The following JAK2 variants were observed in gnomAD, a reference collection of about 807,000 sequenced individuals.
JAK2 encodes the protein tyrosine-protein kinase JAK2.
In JAK2, 86 loss-of-function variants were observed where a neutral mutation model predicts 139.3. The ratio of observed to expected loss-of-function variants is 0.62; its 90% CI spans 0.52 to 0.74. The LOEUF is 0.74. JAK2 is among the 30% of genes least tolerant of loss of function. The probability of loss-of-function intolerance (pLI) is 0.00; values close to 1 mark genes in which losing one functional copy is unlikely to be tolerated. For missense variants in JAK2, 1,421 were observed against 1,360.3 expected, an observed-to-expected ratio of 1.04 and a Z score of -0.70; for synonymous variants, 490 against 437.7, an observed-to-expected ratio of 1.12 and a Z score of -1.49.
intron 9 of JAK2, among the ~76,000 whole-genome samples, chr9:5,066,053 C>G (rs1818546748): frequency 1.3e-5 from 2 of 152,142 alleles, no homozygotes; most frequent in Admixed American, 1.3e-4. Flanking sequence ...TTTATATTTA[C>G]TGAGTAACTA....
intron 2 of JAK2, among the ~76,000 whole-genome samples, chr9:5,011,585 G>A (rs1821703298): frequency 6.6e-6 from 1 of 152,098 alleles, no homozygotes. Context: ...ATGTATCATA[G>A]TAAACAAAGT....
intron 22 of JAK2, chr9:5,111,480 A>C: frequency 2.6e-6 from 1 of 381,420 alleles, no homozygotes; most frequent in Non-Finnish European, 5.1e-6. Flanking sequence ...AGCTCAGGTG[A>C]GGAGTACGGT....
chr9:5,007,970 C>T (rs914330065), intron 2 of JAK2, among the ~76,000 whole-genome samples: 1 of 152,018 alleles, frequency 6.6e-6, no homozygotes, highest in African/African-American at 2.4e-5. Context: ...CTCAAATGAT[C>T]CCCCCGCCTC....
intron 4 of JAK2, among the ~76,000 whole-genome samples, chr9:5,044,101 T>C (rs975400099): frequency 6.6e-6 from 1 of 152,262 alleles, no homozygotes; most frequent in Non-Finnish European, 1.5e-5. Flanking sequence ...CTGATGTTAC[T>C]GGATTAAGCT....
At chr9:5,042,415 G>T (rs1163946936) in intron 4 of JAK2, among the ~76,000 whole-genome samples, 1 of 152,100 alleles carries the variant, frequency 6.6e-6, no homozygotes, top group Non-Finnish European at 1.5e-5. Context: ...GGGATTACAG[G>T]CGTGAGCCAC....
chr9:5,055,878 G>A (rs1817730376), intron 8 of JAK2, 90 bp downstream of exon 8: 1 of 1,206,868 alleles, frequency 8.3e-7, no homozygotes, highest in Non-Finnish European at 1.2e-6. Flanking sequence ...TTATTTTCTG[G>A]TAGGAATTTT....
At chr9:5,112,718 C>T in intron 22 of JAK2, 1 of 808,066 alleles carries the variant, frequency 1.2e-6, no homozygotes, top group Non-Finnish European at 1.8e-6. Flanking sequence ...AGAGCGGAAC[C>T]TGAATCCCAA....
intron 3 of JAK2, among the ~76,000 whole-genome samples, chr9:5,027,524 A>AT: frequency 6.6e-6 from 1 of 152,156 alleles, no homozygotes; most frequent in Non-Finnish European, 1.5e-5. Context: ...TTGGGTGGCT[A>AT]TGGCAATATC....
In JAK2 at chr9:5,054,344, A is replaced by G. The variant is rs1265950851; in HGVS notation, c.615-219A>G. ...TTAACATCTTCTTTTGTAAACATTG[A>G]TGATAACTTAGAGTGTGTGGATATA... On this transcript the variant is annotated intron_variant, in intron 6 of 24. Coordinates refer to ENST00000381652, the MANE Select transcript of JAK2 (RefSeq NM_004972.4). This position sits in a 1 kb window ranked among gnomAD's most constrained non-coding sequence, Gnocchi z 4.9. Among the ~76,000 whole-genome samples, 1 of 152,054 alleles carries G rather than the reference A, an allele frequency of 6.6e-6. No individual in the cohort carries two copies. The highest frequency in any genetic ancestry group is 1.9e-4 in the East Asian group (1 of 5,200).
intron 2 of JAK2, among the ~76,000 whole-genome samples, chr9:4,996,220 A>G (rs1820551442): frequency 6.6e-6 from 1 of 152,176 alleles, no homozygotes; most frequent in Non-Finnish European, 1.5e-5. Flanking sequence ...AAGTAGAAGT[A>G]TATGGATCAC....
rs1448397966 is a variant in JAK2, at chr9:5,054,652, GA to G, written c.705del (p.Arg235SerfsTer16). ...TRKRIRYRFR[R>X]FIQQFSQCKA... ...AAGCGAATAAGGTACAGATTTCGCAGATTTATTCAGCAATTCAGCCAATGCA... is the reference window on the plus strand; with the variant it reads ...AAGCGAATAAGGTACAGATTTCGCAGTTTATTCAGCAATTCAGCCAATGCA... On this transcript the variant is annotated frameshift_variant, in exon 7 of 25. Coordinates refer to ENST00000381652, the MANE Select transcript of JAK2 (RefSeq NM_004972.4). LOFTEE classifies it high-confidence loss of function. The surrounding 1 kb of genome is among the most constrained non-coding windows in gnomAD (Gnocchi z 4.9). 6.2e-7 allele frequency: 1 copy of G among 1,613,214 alleles called. No individual in the cohort carries two copies. Among genetic ancestry groups the G allele is most frequent in the Non-Finnish European group, 8.5e-7 (1 of 1,179,424 alleles).
chr9:5,036,096 C>G (rs940932381), intron 4 of JAK2, among the ~76,000 whole-genome samples: 4 of 152,172 alleles, frequency 2.6e-5, no homozygotes, highest in Admixed American at 2.0e-4. Flanking sequence ...AACAGACAAA[C>G]AGAGAGCCAA....
chr9:5,038,018 G>GA lies in JAK2; in HGVS notation c.351-6384dup, dbSNP rs558397026. Among the ~76,000 whole-genome samples, 119 of 152,288 alleles carry GA rather than the reference G, an allele frequency of 7.8e-4. 1 individual carries two copies. Among genetic ancestry groups the GA allele is most frequent in the African/African-American group, 2.7e-3 (112 of 41,564 alleles). On this transcript the variant is annotated intron_variant, in intron 4 of 24. Coordinates refer to ENST00000381652, the MANE Select transcript of JAK2 (RefSeq NM_004972.4). ...CACTAGTTATGAGAATAATGAACGA[G>GA]ATTGCTTGCTTTAGCACATAGTTAC...
At chr9:5,037,406 ACG>A (rs1816132031) in intron 4 of JAK2, among the ~76,000 whole-genome samples, 1 of 152,240 alleles carries the variant, frequency 6.6e-6, no homozygotes, top group African/African-American at 2.4e-5. Flanking sequence ...ACACATGCAC[ACG>A]TATGTTTATT....
Position 5,029,850 on chromosome 9 carries a change from C to T in JAK2, c.294C>T (p.Pro98=). ...MSETERIWYP[P]NHVFHIDEST... ...AAACAGAAAGGATCTGGTATCCACC[C>T]AACCATGTCTTCCATATAGATGAGT... The change falls in exon 4 of 25, where the codon CCC becomes CCT. Residue 98 remains proline (P), a synonymous_variant. Transcript: ENST00000381652. 2.5e-6 allele frequency: 4 copies of T among 1,611,534 alleles called. No homozygotes were observed. The South Asian group carries it at 3.3e-5, about 13-fold the overall frequency.
chr9:5,020,673 G>C (rs577829255), intron 2 of JAK2, among the ~76,000 whole-genome samples: 2 of 152,314 alleles, frequency 1.3e-5, no homozygotes, highest in Admixed American at 6.5e-5. Context: ...GCCTGCAATG[G>C]TGGCAGCTGT....
intron 12 of JAK2, among the ~76,000 whole-genome samples, chr9:5,070,675 G>C (rs1818898531): frequency 1.3e-5 from 2 of 152,016 alleles, no homozygotes; most frequent in African/African-American, 4.8e-5. Flanking sequence ...CCTTGCAGAT[G>C]CAGAACCCGC....
chr9:5,095,696 C>A lies in JAK2; in HGVS notation c.3059+4785C>A, dbSNP rs78688039. ...AACACGACCAGTCTCCTATCTATCA[C>A]AATCCTATCCATTAACGTAAGCGGT... On this transcript the variant is annotated intron_variant, in intron 22 of 24. Transcript: ENST00000381652. 2.6e-3 allele frequency among the ~76,000 whole-genome samples: 396 copies of A among 152,294 alleles called. 3 individuals carry two copies. Among genetic ancestry groups the A allele is most frequent in the African/African-American group, 8.9e-3 (371 of 41,556 alleles).
intron 4 of JAK2, among the ~76,000 whole-genome samples, chr9:5,042,176 GCCGGA>G (rs1312390082): frequency 4.1e-5 from 6 of 147,450 alleles, no homozygotes; most frequent in African/African-American, 1.3e-4. Flanking sequence ...TGTCGCCCAG[GCCGGA>G]CTGCGGACTG....
Sources: allele counts gnomAD v4.1 joint callset (sites outside exome capture counted in the v4.1 genomes callset), GRCh38; gene constraint gnomAD v4.1.1; non-coding constraint Gnocchi (gnomAD v3.1); transcripts MANE v1.5; gene names NCBI Gene and HGNC (gene_info 2026-07-23, HGNC 2026-07-21).